The following WDR47 variants were observed in gnomAD, a reference collection of about 807,000 sequenced individuals.
WDR47 encodes WD repeat-containing protein 47.
A neutral mutation model predicts 97.2 loss-of-function variants in WDR47; 32 were observed. The observed-to-expected ratio is 0.33, with a 90% CI of 0.25 to 0.44. The LOEUF is 0.44. WDR47 is among the 20% of genes least tolerant of loss of function. The probability of loss-of-function intolerance (pLI) is 1.00; values close to 1 mark genes in which losing one functional copy is unlikely to be tolerated. For missense variants in WDR47, 782 were observed against 1,102.3 expected (o/e 0.71, Z 4.11); for synonymous variants, 375 against 373.5 (o/e 1.00, Z -0.05).
At chr1:108,989,627 C>T (rs1049647257) in intron 9 of WDR47, among the ~76,000 whole-genome samples, 2 of 152,168 alleles carry the variant, frequency 1.3e-5, no homozygotes, top group Non-Finnish European at 2.9e-5. Flanking sequence ...TATAGCACAT[C>T]AAAAATTACT....
chr1:109,021,230 A>T (rs1411271513), intron 2 of WDR47, among the ~76,000 whole-genome samples: 1 of 152,152 alleles, frequency 6.6e-6, no homozygotes, highest in Non-Finnish European at 1.5e-5. Context: ...ATAATCCAAT[A>T]TATAGAAAAA....
At chr1:109,034,466 C>T (rs757228269) in intron 1 of WDR47, among the ~76,000 whole-genome samples, 1 of 152,142 alleles carries the variant, frequency 6.6e-6, no homozygotes, top group Non-Finnish European at 1.5e-5. Context: ...TAAATTCATA[C>T]TATAAAACAG....
At chr1:108,986,019 T>C (rs1557921174) in intron 10 of WDR47, among the ~76,000 whole-genome samples, 1 of 150,596 alleles carries the variant, frequency 6.6e-6, no homozygotes, top group Non-Finnish European at 1.5e-5. Flanking sequence ...ATCCCACCCC[T>C]GTTTCTCAAA....
intron 5 of WDR47, among the ~76,000 whole-genome samples, chr1:109,005,311 G>A (rs1414539413): frequency 5.3e-5 from 8 of 152,164 alleles, no homozygotes; most frequent in Non-Finnish European, 1.2e-4. Context: ...TACTTGGGAG[G>A]CTGAAGTGGG....
chr1:109,019,769 A>T (rs890447767), intron 2 of WDR47, among the ~76,000 whole-genome samples: 23 of 152,204 alleles, frequency 1.5e-4, no homozygotes, highest in Admixed American at 5.9e-4. Context: ...GAATAAGAAC[A>T]AGTTTCATCC....
chr1:108,988,538 C>G (rs977524843), intron 9 of WDR47, among the ~76,000 whole-genome samples: 1 of 151,474 alleles, frequency 6.6e-6, no homozygotes, highest in Non-Finnish European at 1.5e-5. Context: ...AAAAATTAGC[C>G]GGGTGTGGTG....
At chr1:108,986,773 A>G in intron 9 of WDR47, 93 bp from the exon 10 acceptor site, 1 of 1,108,634 alleles carries the variant, frequency 9.0e-7, no homozygotes, top group Non-Finnish European at 1.3e-6. Context: ...GAACTTTATT[A>G]TTCTTGTTGG....
intron 1 of WDR47, among the ~76,000 whole-genome samples, chr1:109,027,980 A>G (rs1055855070): frequency 3.3e-5 from 5 of 152,176 alleles, no homozygotes; most frequent in African/African-American, 1.2e-4. Context: ...TTCAATAATA[A>G]TTACTTCTTC....
chr1:109,000,710 C>A (rs1330144355), intron 7 of WDR47, among the ~76,000 whole-genome samples: 1 of 150,808 alleles, frequency 6.6e-6, no homozygotes, highest in East Asian at 2.0e-4. Flanking sequence ...AAAAACAAAA[C>A]AAAAAAAACC....
At chr1:109,038,011 T>A (rs898650428) in intron 1 of WDR47, among the ~76,000 whole-genome samples, 4 of 151,992 alleles carry the variant, frequency 2.6e-5, no homozygotes, top group Admixed American at 1.3e-4. Flanking sequence ...ATTTTTTTTT[T>A]AATTGTTTGT....
intron 1 of WDR47, among the ~76,000 whole-genome samples, chr1:109,029,017 T>C (rs1662425706): frequency 6.6e-6 from 1 of 152,206 alleles, no homozygotes; most frequent in Admixed American, 6.5e-5. Context: ...AAGAGTGTTC[T>C]TTAAATATAA....
At chr1:109,022,117 G>C (rs1661892248) in intron 2 of WDR47, among the ~76,000 whole-genome samples, 1 of 152,108 alleles carries the variant, frequency 6.6e-6, no homozygotes, top group East Asian at 1.9e-4. Flanking sequence ...CAAATGGCTA[G>C]GATTGCAGGT....
At chr1:109,002,558 T>C in intron 6 of WDR47, among the ~76,000 whole-genome samples, 156 bp from the exon 7 acceptor site, 1 of 152,202 alleles carries the variant, frequency 6.6e-6, no homozygotes, top group East Asian at 1.9e-4. Context: ...ACAGTATGTG[T>C]CTTAATACTC....
chr1:109,013,882 A>T lies in WDR47; in HGVS notation c.286T>A (p.Cys96Ser). 1 of 1,613,338 alleles carries T rather than the reference A, an allele frequency of 6.2e-7. No homozygotes were observed. The highest frequency in any genetic ancestry group is 8.5e-7 in the Non-Finnish European group (1 of 1,179,898). Reference protein sequence around the residue: ...ILKQKFLEALCVNNAMSAEDE... With the variant: ...ILKQKFLEALSVNNAMSAEDE... ...TCTGCTGACATCGCGTTGTTAACACATAAAGCTTCTAAAAACTTCTGCTTC... is the reference window on the plus strand; with the variant it reads ...TCTGCTGACATCGCGTTGTTAACACTTAAAGCTTCTAAAAACTTCTGCTTC... Residue 96 changes from cysteine (C) to serine (S), a missense_variant, in exon 4 of 15, where the codon TGT becomes AGT. Physicochemically the swap from Cys to Ser is moderately radical, Grantham distance 112 (BLOSUM62 -1). Transcript: ENST00000369962.
rs889731881 is a variant in WDR47 at position 109,002,355 on chromosome 1, T to G, written c.1302A>C (p.Leu434Phe). Residue 434 changes from leucine (L) to phenylalanine (F), a missense_variant, in exon 7 of 15, where the codon TTA becomes TTC. By Grantham distance (22) the Leu-to-Phe change is conservative (BLOSUM62 0). Transcript: ENST00000369962. ...EQFQEYYRQR[L>F]RYQQHLEQKE... ...TCTGTTCTAAATGCTGTTGATAGCG[T>G]AATCTTTGCCTATAATATTCTTGAA... The G allele has an allele frequency of 2.5e-6, 4 of 1,611,422 alleles. No homozygotes were observed. In the African/African-American group the frequency reaches 5.3e-5, roughly 22 times the overall value.
intron 1 of WDR47, among the ~76,000 whole-genome samples, chr1:109,036,841 A>C (rs757773127): frequency 5.3e-5 from 8 of 152,008 alleles, no homozygotes; most frequent in Admixed American, 1.3e-4. Flanking sequence ...ATCTCAAAAT[A>C]AATAAATAAA....
Position 108,974,577 on chromosome 1 carries a change from G to A in WDR47, c.2576C>T (p.Thr859Ile). 1.9e-6 allele frequency: 3 copies of A among 1,614,162 alleles called. No homozygotes were observed. The highest frequency in any genetic ancestry group is 2.5e-6 in the Non-Finnish European group (3 of 1,180,024). The change falls in exon 14 of 15, where the codon ACA becomes ATA. Residue 859 changes from threonine (T) to isoleucine (I), a missense_variant. This residue lies in a region of WDR47 where 228 missense variants were observed against 396.7 expected (regional missense o/e 0.57). Coordinates refer to ENST00000369962, the MANE Select transcript of WDR47 (RefSeq NM_001142551.2). ...RFSPGAHYLL[T>I]GSYDMKIKVT... ...CTTTATTTTCATATCATAAGAGCCTGTTAGCAAGTAGTGAGCTCCAGGGGA... is the reference window on the plus strand; with the variant it reads ...CTTTATTTTCATATCATAAGAGCCTATTAGCAAGTAGTGAGCTCCAGGGGA...
chr1:109,036,440 C>T (rs761246253), intron 1 of WDR47, among the ~76,000 whole-genome samples: 2 of 150,156 alleles, frequency 1.3e-5, no homozygotes, highest in Non-Finnish European at 3.0e-5. Context: ...GGCTTGGTAG[C>T]GTGCGCCTGT....
chr1:109,027,373 T>G (rs2102015431), intron 1 of WDR47, among the ~76,000 whole-genome samples: 1 of 151,800 alleles, frequency 6.6e-6, no homozygotes, highest in South Asian at 2.1e-4. Context: ...TTAATTCTTA[T>G]AAGCTTCACT....
Sources: gnomAD v4.1 joint callset for allele counts (sites outside exome capture counted in the v4.1 genomes callset) on GRCh38, gnomAD v4.1.1 for gene constraint, gnomAD v4.1.1 regional missense constraint, MANE v1.5 for transcripts, NCBI Gene and HGNC (gene_info 2026-07-23, HGNC 2026-07-21) for gene names.